Variants in CDH23 observed in about 807,000 individuals in gnomAD.
CDH23 encodes cadherin related 23.
Under a neutral mutation model 317.1 loss-of-function variants are expected in CDH23, and 189 were observed. That is an observed-to-expected ratio of 0.60 (90% CI 0.53 to 0.67). The LOEUF (loss-of-function observed/expected upper bound fraction) is 0.67. Ranked by LOEUF, CDH23 falls within the 30% of genes least tolerant of loss-of-function variation. CDH23 has a pLI of 0.00. For missense variants in CDH23, 4,401 were observed against 4,592.4 expected (o/e 0.96, Z 1.20); for synonymous variants, 1,839 against 1,876.8 (o/e 0.98, Z 0.52).
intron 11 of CDH23, among the ~76,000 whole-genome samples, chr10:71,640,308 C>G (rs1487001858): frequency 2.0e-5 from 3 of 152,220 alleles, no homozygotes; most frequent in Admixed American, 1.3e-4. Context: ...TCTTCCTAAG[C>G]CTTCTCTGCT....
chr10:71,651,784 G>C (rs1175958621), intron 14 of CDH23, among the ~76,000 whole-genome samples: 1 of 152,214 alleles, frequency 6.6e-6, no homozygotes, highest in Non-Finnish European at 1.5e-5. Flanking sequence ...CCCCTTGCCT[G>C]TTCCATCCTT....
chr10:71,458,995 G>A (rs1017358466), intron 3 of CDH23, among the ~76,000 whole-genome samples: 2 of 151,200 alleles, frequency 1.3e-5, no homozygotes, highest in African/African-American at 4.9e-5. Context: ...CACCGTGTTA[G>A]CCAGGATGGT....
At position 71,734,328 on chromosome 10, in the gene CDH23, T is replaced by C; in HGVS notation, c.4193T>C (p.Val1398Ala). Residue 1398 changes from valine (V) to alanine (A), a missense_variant, in exon 33 of 70, where the codon GTG becomes GCG. Val to Ala is a moderately conservative substitution (Grantham distance 64). Coordinates refer to ENST00000224721, the MANE Select transcript of CDH23 (RefSeq NM_022124.6). Reference protein sequence around the residue: ...TVVADDGGPKVDSTVKVYITV... With the variant: ...TVVADDGGPKADSTVKVYITV... Reference sequence around the variant, plus strand: ...GTGGCAGATGACGGCGGCCCCAAGGTGGACTCCACCGTGGTGAGTGGGACC... The same window carrying C: ...GTGGCAGATGACGGCGGCCCCAAGGCGGACTCCACCGTGGTGAGTGGGACC... 1 of 1,609,350 alleles carries C rather than the reference T, an allele frequency of 6.2e-7. No homozygotes were observed.
At chr10:71,766,214 G>A (rs1027652094) in intron 38 of CDH23, among the ~76,000 whole-genome samples, 2 of 152,238 alleles carry the variant, frequency 1.3e-5, no homozygotes, top group African/African-American at 2.4e-5. Context: ...GTCGGAGACC[G>A]GGAAAAGTGG....
At chr10:71,511,025 A>G in intron 5 of CDH23, 24 bp downstream of exon 5, 1 of 1,613,550 alleles carries the variant, frequency 6.2e-7, no homozygotes, top group Non-Finnish European at 8.5e-7. Context: ...GGGGCCCTGG[A>G]GGCATGTTCC....
At chr10:71,482,577 G>A (rs557123066) in intron 3 of CDH23, among the ~76,000 whole-genome samples, 284 of 152,338 alleles carry the variant, frequency 1.9e-3, no homozygotes, top group African/African-American at 6.3e-3. Context: ...CCATTGGTGG[G>A]GGTGTGCCAG....
chr10:71,544,687 TC>T (rs1487801872), intron 6 of CDH23, among the ~76,000 whole-genome samples: 1 of 152,058 alleles, frequency 6.6e-6, no homozygotes, highest in Non-Finnish European at 1.5e-5. Context: ...CCTCCCACAA[TC>T]AGGCATGAAG....
intron 38 of CDH23, among the ~76,000 whole-genome samples, chr10:71,765,927 G>A (rs1215244717): frequency 6.6e-6 from 1 of 152,148 alleles, no homozygotes; most frequent in Non-Finnish European, 1.5e-5. Context: ...GGGGAGGGAG[G>A]GAAGGCCAGA....
intron 14 of CDH23, among the ~76,000 whole-genome samples, chr10:71,669,769 G>T (rs1478085950): frequency 6.6e-6 from 1 of 152,178 alleles, no homozygotes; most frequent in Non-Finnish European, 1.5e-5. Context: ...ATTTTAAGTG[G>T]CAGTCCAGGT....
rs372676235 is a variant in CDH23, at chr10:71,812,512, G to A, written c.9413G>A (p.Arg3138Gln). 4.7e-5 allele frequency: 76 copies of A among 1,613,404 alleles called. 1 individual carries two copies. In the South Asian group the frequency reaches 4.9e-4, roughly 10 times the overall value. Reference protein sequence around the residue: ...ANPVWLDPFCRNLELAAQAEH... With the variant: ...ANPVWLDPFCQNLELAAQAEH... ...CCTGTGTGGCTGGATCCCTTCTGTC[G>A]GAACCTGGAGCTGGCCGCCCAGGCG... Residue 3138 changes from arginine to glutamine, a missense_variant, in exon 67 of 70, where the codon CGG (arginine) becomes CAG (glutamine). By Grantham distance (43) the Arg-to-Gln change is conservative (BLOSUM62 1). Around this residue, in one of 3 missense-constraint regions of CDH23, gnomAD observed 1,144 missense variants for 1,138.2 expected, o/e 1.01. Coordinates refer to ENST00000224721, the MANE Select transcript of CDH23 (RefSeq NM_022124.6).
chr10:71,812,446 C>CAACCA, intron 66 of CDH23, 34 bp from the exon 67 acceptor site: 2 of 1,548,594 alleles, frequency 1.3e-6, no homozygotes, highest in Non-Finnish European at 1.8e-6. Context: ...CGAGCCTTCC[C>CAACCA]TCCCTCCCCA....
At chr10:71,430,045 C>T (rs1589296251) in intron 1 of CDH23, among the ~76,000 whole-genome samples, 1 of 152,114 alleles carries the variant, frequency 6.6e-6, no homozygotes, top group East Asian at 1.9e-4. Context: ...AGGGATGCTC[C>T]AGGTGGAGGG....
chr10:71,671,070 C>A (rs1801511189), intron 14 of CDH23, among the ~76,000 whole-genome samples: 1 of 151,872 alleles, frequency 6.6e-6, no homozygotes, highest in African/African-American at 2.4e-5. Context: ...AGCAATTCTC[C>A]TGCCTCAGCC....
Position 71,798,574 on chromosome 10 carries a change from G to A in CDH23, c.7050G>A (p.Ser2350=), listed in dbSNP as rs761613739. ...GGTATGTCCAGCTGGAGGACTCCTC[G>A]GCAGGTAGGTTAGAAATCTGTCAGA... is the stretch of plus-strand genomic sequence containing the variant. The part of the protein sequence containing the change: ...PPGYVQLEDS[S]AGKVIANRTV... The change falls in exon 50 of 70, where the codon TCG becomes TCA. Residue 2350 remains serine (S), a synonymous_variant. Coordinates refer to ENST00000224721, the MANE Select transcript of CDH23 (RefSeq NM_022124.6). 6.9e-5 allele frequency: 111 copies of A among 1,606,894 alleles called. No individual in the cohort carries two copies. The highest frequency in any genetic ancestry group is 3.6e-4 in the Middle Eastern group (2 of 5,506).
chr10:71,574,889 A>G (rs150808958), intron 8 of CDH23, among the ~76,000 whole-genome samples: 16 of 152,164 alleles, frequency 1.1e-4, no homozygotes, highest in Non-Finnish European at 2.2e-4. Flanking sequence ...CAGAGAGCAA[A>G]GGGGTCCCCC....
intron 55 of CDH23, among the ~76,000 whole-genome samples, chr10:71,803,624 CCA>C (rs1309519633): frequency 6.6e-6 from 1 of 152,034 alleles, no homozygotes; most frequent in Non-Finnish European, 1.5e-5. Context: ...CTGCCCAGTG[CCA>C]CACAGGGCAG....
chr10:71,517,366 C>T (rs1467433546), intron 6 of CDH23, among the ~76,000 whole-genome samples: 3 of 152,164 alleles, frequency 2.0e-5, no homozygotes, highest in African/African-American at 7.2e-5. Context: ...ATCCTGTGTG[C>T]TTTGGCATGT....
intron 3 of CDH23, among the ~76,000 whole-genome samples, chr10:71,448,637 G>C (rs1850286942): frequency 6.6e-6 from 1 of 152,170 alleles, no homozygotes; most frequent in Admixed American, 6.5e-5. Flanking sequence ...GTAACCTTGG[G>C]CACAGCACTG....
At chr10:71,532,727 G>GTTTTTTTTTTTTTTTTTTTTT (rs200038577) in intron 6 of CDH23, among the ~76,000 whole-genome samples, 16 of 93,906 alleles carry the variant, frequency 1.7e-4, no homozygotes, top group Non-Finnish European at 2.2e-4. Context: ...TTTTTTTTTT[G>GTTTTTTTTTTTTTTTTTTTTT]TTTTTTTTTT....
Sources: gnomAD v4.1 joint callset for allele counts (sites outside exome capture counted in the v4.1 genomes callset) on GRCh38, gnomAD v4.1.1 for gene constraint, gnomAD v4.1.1 regional missense constraint, MANE v1.5 for transcripts, NCBI Gene and HGNC (gene_info 2026-07-23, HGNC 2026-07-21) for gene names.